RAPGEF1: variants seen among roughly 807,000 people sequenced by gnomAD.
RAPGEF1 encodes Rap guanine nucleotide exchange factor 1, also known as CRK SH3-binding GNRP.
A neutral mutation model predicts 143.3 loss-of-function variants in RAPGEF1; 33 were observed. The observed-to-expected ratio is 0.23, with a 90% CI of 0.17 to 0.31. RAPGEF1 has a LOEUF of 0.31. Among genes scored for constraint, RAPGEF1 ranks in the 10% least tolerant of loss-of-function variants. The pLI, the probability that RAPGEF1 is intolerant of heterozygous loss-of-function variation, is 1.00. For synonymous variants in RAPGEF1, 629 were observed against 676.5 expected, an observed-to-expected ratio of 0.93 and a Z score of 1.09; for missense variants, 1,199 against 1,645.4, an observed-to-expected ratio of 0.73 and a Z score of 4.69.
In RAPGEF1 at chr9:131,666,517, G is replaced by T. The variant is rs566201052; in HGVS notation, c.62-15568C>A. ...TTCTTCTGCCTTAGCCTCCTGAGTA[G>T]CGGGGACTACAGGTGCCTGCTACCA... On this transcript the variant is annotated intron_variant, in intron 1 of 26. Coordinates refer to ENST00000683357, the MANE Select transcript of RAPGEF1 (RefSeq NM_001377935.1). 2.8e-4 allele frequency among the ~76,000 whole-genome samples: 42 copies of T among 152,118 alleles called. 1 individual carries two copies. Among genetic ancestry groups the T allele is most frequent in the Admixed American group, 9.8e-4 (15 of 15,278 alleles).
chr9:131,692,562 C>T (rs777243545), intron 1 of RAPGEF1, among the ~76,000 whole-genome samples: 11 of 152,278 alleles, frequency 7.2e-5, no homozygotes, highest in Non-Finnish European at 1.0e-4. Context: ...AAACACCGGA[C>T]GTTATAATCA....
intron 1 of RAPGEF1, among the ~76,000 whole-genome samples, chr9:131,730,697 CAAAAAAAAAA>C (rs56044744): frequency 3.7e-4 from 30 of 80,372 alleles, no homozygotes; most frequent in African/African-American, 1.2e-3. Flanking sequence ...GACTCCATCT[CAAAAAAAAAA>C]AAAAAAAAAA....
chr9:131,644,698 C>T (rs1211696509), intron 3 of RAPGEF1, among the ~76,000 whole-genome samples: 1 of 152,118 alleles, frequency 6.6e-6, no homozygotes, highest in Non-Finnish European at 1.5e-5. Flanking sequence ...GGTGAAGTGG[C>T]TCACACCTAT....
At position 131,650,509 on chromosome 9, in the gene RAPGEF1, G is replaced by A. The variant is rs532196421; in HGVS notation, c.202-267C>T. On this transcript the variant is annotated intron_variant, in intron 2 of 26. Transcript: ENST00000683357. The surrounding 1 kb of genome is among the most constrained non-coding windows in gnomAD (Gnocchi z 4.7). The stretch of plus-strand genomic sequence containing the variant: ...CGCCAAGGCAACGTAGGGAACTGCA[G>A]GGCAGGGAGGCAGCAGCCTGGGGTG... 6.6e-6 allele frequency among the ~76,000 whole-genome samples: 1 copy of A among 152,238 alleles called. No individual in the cohort carries two copies. Among genetic ancestry groups the A allele is most frequent in the South Asian group, 2.1e-4 (1 of 4,828 alleles).
chr9:131,596,355 C>T lies in RAPGEF1; in HGVS notation c.2632G>A (p.Val878Ile), dbSNP rs1239760823. ...LKQEGDDGPDVRGGSGDILLV... is the reference protein window; with the variant it reads ...LKQEGDDGPDIRGGSGDILLV... ...AAGATGTCCCCAGATCCTCCGCGGA[C>T]GTCCGGCCCGTCATCACCCTGTAAT... Residue 878 changes from valine to isoleucine, a missense_variant, in exon 17 of 27, where the codon GTC (valine) becomes ATC (isoleucine). Physicochemically the swap from Val to Ile is conservative, Grantham distance 29. This residue lies in a region of RAPGEF1 where 209 missense variants were observed against 403.0 expected (regional missense o/e 0.52). Coordinates refer to ENST00000683357, the MANE Select transcript of RAPGEF1 (RefSeq NM_001377935.1). 2.5e-6 allele frequency: 4 copies of T among 1,613,856 alleles called. No homozygotes were observed. The highest frequency in any genetic ancestry group is 1.7e-5 in the Admixed American group (1 of 60,004).
chr9:131,729,290 C>G (rs1836868123), intron 1 of RAPGEF1, among the ~76,000 whole-genome samples: 1 of 147,430 alleles, frequency 6.8e-6, no homozygotes, highest in Non-Finnish European at 1.5e-5. Context: ...CCTCAGCCCT[C>G]TCAGTACCCT....
intron 24 of RAPGEF1, 146 bp from the exon 25 acceptor site, chr9:131,582,848 C>G: frequency 1.6e-6 from 1 of 635,170 alleles, no homozygotes; most frequent in Non-Finnish European, 2.6e-6. Flanking sequence ...AAACACCCAG[C>G]CAGGTGTGGG....
chr9:131,706,312 G>T (rs1203016187), intron 1 of RAPGEF1, among the ~76,000 whole-genome samples: 3 of 151,952 alleles, frequency 2.0e-5, no homozygotes, highest in Admixed American at 1.3e-4. Flanking sequence ...ACCCAGGCTG[G>T]AGTGCAATGG....
rs1970791864 is a variant in RAPGEF1 at position 131,650,440 on chromosome 9, G to A, written c.202-198C>T. On this transcript the variant is annotated intron_variant, in intron 2 of 26. Transcript: ENST00000683357. This position sits in a 1 kb window ranked among gnomAD's most constrained non-coding sequence, Gnocchi z 4.7. ...CAGAGCACAGGCCCTAAAGCCAAAT[G>A]ATGGATGTTCTGGACATCACAGAGT... is the stretch of plus-strand genomic sequence containing the variant. Among the ~76,000 whole-genome samples the A allele has an allele frequency of 1.3e-5, 2 of 152,254 alleles. No homozygotes were observed. Among genetic ancestry groups the A allele is most frequent in the African/African-American group, 4.8e-5 (2 of 41,458 alleles).
At chr9:131,634,817 G>A (rs1432197931) in intron 5 of RAPGEF1, among the ~76,000 whole-genome samples, 1 of 150,842 alleles carries the variant, frequency 6.6e-6, no homozygotes, top group African/African-American at 2.4e-5. Flanking sequence ...AAGTAACACA[G>A]TAAATTACCT....
At chr9:131,704,035 C>G (rs1171465898) in intron 1 of RAPGEF1, among the ~76,000 whole-genome samples, 1 of 152,046 alleles carries the variant, frequency 6.6e-6, no homozygotes, top group Admixed American at 6.6e-5. Flanking sequence ...AGGGCTATAA[C>G]CCCTTTATGT....
At chr9:131,653,569 T>C (rs890413863) in intron 1 of RAPGEF1, among the ~76,000 whole-genome samples, 1 of 152,204 alleles carries the variant, frequency 6.6e-6, no homozygotes, top group Non-Finnish European at 1.5e-5. Flanking sequence ...GTCAACATAA[T>C]TAGCCATTAA....
chr9:131,692,081 G>A (rs1294204449), intron 1 of RAPGEF1, among the ~76,000 whole-genome samples: 2 of 152,196 alleles, frequency 1.3e-5, no homozygotes. Context: ...GGAAATATCA[G>A]TTTGGCTTCC....
intron 1 of RAPGEF1, among the ~76,000 whole-genome samples, chr9:131,685,907 A>G (rs1051861124): frequency 3.3e-5 from 5 of 152,128 alleles, no homozygotes; most frequent in African/African-American, 4.8e-5. Flanking sequence ...GAGGAAGGAG[A>G]CACATTTTAG....
chr9:131,721,379 T>G (rs938503816), intron 1 of RAPGEF1, among the ~76,000 whole-genome samples: 1 of 152,166 alleles, frequency 6.6e-6, no homozygotes, highest in Non-Finnish European at 1.5e-5. Flanking sequence ...GTAATTTTCC[T>G]CTGGTGTCCG....
At position 131,621,137 on chromosome 9, in the gene RAPGEF1, T is replaced by C. The variant is rs1960848653; in HGVS notation, c.1905+659A>G. On this transcript the variant is annotated intron_variant, in intron 11 of 26. Coordinates refer to ENST00000683357, the MANE Select transcript of RAPGEF1 (RefSeq NM_001377935.1). The surrounding 1 kb of genome is among the most constrained non-coding windows in gnomAD (Gnocchi z 4.5). ...CCGATCTGCTCACCCTCCCAGTGCC[T>C]GGGCAGTTCCAGAGCCTCATGGGGT... 6.6e-6 allele frequency among the ~76,000 whole-genome samples: 1 copy of C among 152,268 alleles called. No individual in the cohort carries two copies. The highest frequency in any genetic ancestry group is 2.4e-5 in the African/African-American group (1 of 41,474).
intron 3 of RAPGEF1, among the ~76,000 whole-genome samples, chr9:131,647,924 C>T (rs1049155466): frequency 9.2e-5 from 14 of 151,656 alleles, no homozygotes; most frequent in Non-Finnish European, 1.5e-5. Context: ...AGCAGCTTCC[C>T]AACCCCTACC....
chr9:131,713,462 T>A (rs1835651051), intron 1 of RAPGEF1, among the ~76,000 whole-genome samples: 1 of 152,132 alleles, frequency 6.6e-6, no homozygotes, highest in African/African-American at 2.4e-5. Context: ...CATTTCCTCA[T>A]GACCAGAGGA....
chr9:131,686,586 A>G lies in RAPGEF1; in HGVS notation c.62-35637T>C, dbSNP rs868077615. Among the ~76,000 whole-genome samples the G allele has an allele frequency of 2.6e-5, 4 of 152,200 alleles. No individual in the cohort carries two copies. The South Asian group carries it at 8.3e-4, about 31-fold the overall frequency. ...GATGCTGGGTTCCCTCTCTGTTTGAATAATTTTTTTCTCCCACAGACTTCC... is the reference window on the plus strand; with the variant it reads ...GATGCTGGGTTCCCTCTCTGTTTGAGTAATTTTTTTCTCCCACAGACTTCC... On this transcript the variant is annotated intron_variant, in intron 1 of 26. Transcript: ENST00000683357.
Sources: allele counts gnomAD v4.1 joint callset (sites outside exome capture counted in the v4.1 genomes callset), GRCh38; gene constraint gnomAD v4.1.1; regional missense constraint gnomAD v4.1.1; non-coding constraint Gnocchi (gnomAD v3.1); transcripts MANE v1.5; gene names NCBI Gene and HGNC (gene_info 2026-07-23, HGNC 2026-07-21).